The following ASIC2 variants were observed in gnomAD, a reference collection of about 807,000 sequenced individuals.
ASIC2 encodes the protein acid sensing ion channel subunit 2.
ASIC2 carries 25 observed loss-of-function variants against 57.3 expected under a neutral mutation model. That is an observed-to-expected ratio of 0.44 (90% CI 0.32 to 0.61). The LOEUF is 0.61. ASIC2 is among the 20% of genes least tolerant of loss of function. The pLI is 0.06. For synonymous variants in ASIC2, 319 were observed against 307.5 expected, an observed-to-expected ratio of 1.04 and a Z score of -0.39; for missense variants, 641 against 738.1, an observed-to-expected ratio of 0.87 and a Z score of 1.52.
chr17:33,381,357 T>C (rs1909482163), intron 1 of ASIC2, among the ~76,000 whole-genome samples: 1 of 152,246 alleles, frequency 6.6e-6, no homozygotes, highest in Non-Finnish European at 1.5e-5. Flanking sequence ...GGAACTTTCT[T>C]TGCTCAGGCG....
chr17:33,821,550 G>A (rs1042986366), intron 1 of ASIC2, among the ~76,000 whole-genome samples: 1 of 152,188 alleles, frequency 6.6e-6, no homozygotes, highest in Admixed American at 6.5e-5. Flanking sequence ...CAGTGAATGA[G>A]GAGGAAAGGC....
intron 1 of ASIC2, among the ~76,000 whole-genome samples, chr17:33,823,153 A>G (rs1017436195): frequency 1.2e-4 from 18 of 152,306 alleles, no homozygotes; most frequent in African/African-American, 4.3e-4. Flanking sequence ...TGGGGGCTTT[A>G]TGCAGTCTTG....
rs983125142 is a variant in ASIC2, at chr17:34,086,862, A to C, written c.555+69116T>G. 1.5e-3 allele frequency among the ~76,000 whole-genome samples: 234 copies of C among 152,104 alleles called. 1 individual carries two copies. Among genetic ancestry groups the C allele is most frequent in the African/African-American group, 5.4e-3 (224 of 41,496 alleles). On this transcript the variant is annotated intron_variant, in intron 1 of 9. Coordinates refer to the ASIC2 transcript ENST00000359872. The stretch of plus-strand genomic sequence containing the variant: ...TTTTATCAGAGACTAGGACTGCAAC[A>C]CCTGCCTTTTTTTGTTTTCCATTTG...
intron 1 of ASIC2, among the ~76,000 whole-genome samples, chr17:33,473,314 G>C (rs1418930539): frequency 6.6e-6 from 1 of 152,178 alleles, no homozygotes. Flanking sequence ...AAAAGCACTG[G>C]GTGGATAAAC....
chr17:33,270,097 G>C (rs1044899617), intron 1 of ASIC2, among the ~76,000 whole-genome samples: 1 of 152,162 alleles, frequency 6.6e-6, no homozygotes, highest in African/African-American at 2.4e-5. Context: ...TGTCTACAAT[G>C]AGCGATTTTT....
chr17:33,995,701 T>A (rs1906137501), intron 1 of ASIC2, among the ~76,000 whole-genome samples: 1 of 152,138 alleles, frequency 6.6e-6, no homozygotes, highest in African/African-American at 2.4e-5. Flanking sequence ...TGCACGTATA[T>A]ATACCACATT....
chr17:33,342,362 G>T (rs1475531967), intron 1 of ASIC2, among the ~76,000 whole-genome samples: 2 of 151,790 alleles, frequency 1.3e-5, no homozygotes, highest in Admixed American at 6.6e-5. Flanking sequence ...GTGTGTGTGT[G>T]TGCTGACAGA....
intron 1 of ASIC2, among the ~76,000 whole-genome samples, chr17:33,319,554 G>C (rs1299346143): frequency 1.3e-5 from 2 of 152,186 alleles, no homozygotes; most frequent in African/African-American, 4.8e-5. Flanking sequence ...TGGGTTACAT[G>C]AGATATTTTG....
At chr17:33,273,255 C>A (rs1029566470) in intron 1 of ASIC2, among the ~76,000 whole-genome samples, 1 of 152,164 alleles carries the variant, frequency 6.6e-6, no homozygotes, top group African/African-American at 2.4e-5. Context: ...GTTTTTACTG[C>A]GTGAGCTTAC....
At chr17:34,103,452 C>A (rs1023962140) in intron 1 of ASIC2, among the ~76,000 whole-genome samples, 2 of 152,174 alleles carry the variant, frequency 1.3e-5, no homozygotes, top group African/African-American at 4.8e-5. Flanking sequence ...CCATGCCTGG[C>A]TTGTTTCAAT....
rs546570358 is a variant in ASIC2, at chr17:33,600,463, TA to T, written c.556-488397del. Among the ~76,000 whole-genome samples, 287 of 152,336 alleles carry T rather than the reference TA, an allele frequency of 1.9e-3. 1 individual carries two copies. Among genetic ancestry groups the T allele is most frequent in the South Asian group, 6.8e-3 (33 of 4,824 alleles). On this transcript the variant is annotated intron_variant, in intron 1 of 9. Transcript: ENST00000359872. ...CAAAACTAACACAGAAAATTGGTAT[TA>T]AGAAGTGTGGCTATTGCTATAACAA...
intron 1 of ASIC2, among the ~76,000 whole-genome samples, chr17:33,845,947 ATTGTGGACTTCCTC>A (rs1446235329): frequency 6.6e-6 from 1 of 152,184 alleles, no homozygotes; most frequent in African/African-American, 2.4e-5. Flanking sequence ...CCTTTTCTTC[ATTGTGGACTTCCTC>A]TTATGACTTT....
In ASIC2 at chr17:33,817,980, C is replaced by T. The variant is rs73986796; in HGVS notation, c.555+337998G>A. ...GTTTCGGGGTACCACATTTCTTGTA[C>T]GTTGGCTCAAAGCTCCCAAGGTATG... On this transcript the variant is annotated intron_variant, in intron 1 of 9. Coordinates refer to the ASIC2 transcript ENST00000359872. Among the ~76,000 whole-genome samples, 146 of 152,266 alleles carry T rather than the reference C, an allele frequency of 9.6e-4. 2 individuals are homozygous for T. The highest frequency in any genetic ancestry group is 3.4e-3 in the African/African-American group (140 of 41,558).
intron 1 of ASIC2, among the ~76,000 whole-genome samples, chr17:33,865,096 A>C (rs985778032): frequency 6.6e-6 from 1 of 152,182 alleles, no homozygotes; most frequent in Non-Finnish European, 1.5e-5. Context: ...ATTTAATTAC[A>C]TATTGCCTAG....
intron 1 of ASIC2, among the ~76,000 whole-genome samples, chr17:33,335,894 A>C (rs1416884820): frequency 1.3e-5 from 2 of 152,220 alleles, no homozygotes; most frequent in Middle Eastern, 3.2e-3. Flanking sequence ...CAGACACACA[A>C]GTGCTAATAG....
intron 1 of ASIC2, among the ~76,000 whole-genome samples, chr17:33,804,088 A>G (rs1019261130): frequency 3.3e-5 from 5 of 152,206 alleles, no homozygotes; most frequent in Non-Finnish European, 7.3e-5. Flanking sequence ...TTGAACACCC[A>G]GAAATATGTG....
rs1211685103 is a variant in ASIC2, at chr17:33,016,022, T to C, written c.1539A>G (p.Leu513=). 6.2e-7 allele frequency: 1 copy of C among 1,613,980 alleles called. No individual in the cohort carries two copies. The highest frequency in any genetic ancestry group is 1.7e-5 in the Admixed American group (1 of 60,016). ...DYIYELIKEK[L]LDLLGKEEDE... ...CCTCCTCTTTGCCAAGCAGGTCTAA[T>C]AGCTTCTCTTTGATCAGCTGCAAGA... The change falls in exon 9 of 10, where the codon CTA becomes CTG. Residue 513 remains leucine (L), a synonymous_variant. Transcript: ENST00000225823.
intron 1 of ASIC2, among the ~76,000 whole-genome samples, chr17:34,082,597 G>T (rs1909930164): frequency 6.6e-6 from 1 of 152,184 alleles, no homozygotes; most frequent in Non-Finnish European, 1.5e-5. Flanking sequence ...GGAGTCCCCA[G>T]TCCACTCAAT....
At chr17:33,358,740 T>C (rs544734355) in intron 1 of ASIC2, among the ~76,000 whole-genome samples, 1 of 152,222 alleles carries the variant, frequency 6.6e-6, no homozygotes, top group African/African-American at 2.4e-5. Context: ...CAACTGCTCC[T>C]ATTGAAGATC....
Sources: allele counts gnomAD v4.1 joint callset (sites outside exome capture counted in the v4.1 genomes callset), GRCh38; gene constraint gnomAD v4.1.1; transcripts MANE v1.5; gene names NCBI Gene and HGNC (gene_info 2026-07-23, HGNC 2026-07-21).